PRRC2B: variants seen among roughly 807,000 people sequenced by gnomAD.
The protein encoded by PRRC2B is proline rich coiled-coil 2B.
A neutral mutation model predicts 242.3 loss-of-function variants in PRRC2B; 68 were observed. The ratio of observed to expected loss-of-function variants is 0.28; its 90% confidence interval spans 0.23 to 0.34. The LOEUF (loss-of-function observed/expected upper bound fraction) is 0.34, where lower values mean the gene tolerates loss of function less well. Ranked by LOEUF, PRRC2B falls within the 10% of genes least tolerant of loss-of-function variation. PRRC2B has a pLI of 1.00. For missense variants in PRRC2B, 2,835 were observed against 2,954.8 expected (o/e 0.96, Z 0.94); for synonymous variants, 1,228 against 1,173.6 (o/e 1.05, Z -0.95).
At chr9:131,414,776 G>C (rs1416325605) in intron 1 of PRRC2B, among the ~76,000 whole-genome samples, 1 of 151,862 alleles carries the variant, frequency 6.6e-6, no homozygotes, top group African/African-American at 2.4e-5. Flanking sequence ...CACCATATTG[G>C]CCAGGCTGGT....
chr9:131,394,394 C>T (rs1285930672), intron 1 of PRRC2B, 131 bp downstream of exon 1: 1 of 146,168 alleles, frequency 6.8e-6, no homozygotes, highest in Admixed American at 6.8e-5. Flanking sequence ...CCTGCCCGAC[C>T]TTTGTCCGCG....
chr9:131,412,171 C>G (rs991240552), intron 1 of PRRC2B, among the ~76,000 whole-genome samples: 3 of 152,162 alleles, frequency 2.0e-5, no homozygotes, highest in African/African-American at 7.2e-5. Flanking sequence ...CGTTGACCGT[C>G]TCTATCTTGA....
rs541963498 is a variant in PRRC2B, at chr9:131,472,668, G to A, written c.2108-840G>A. Among the ~76,000 whole-genome samples, 567 of 151,894 alleles carry A rather than the reference G, an allele frequency of 3.7e-3. 2 individuals are homozygous for A. The highest frequency in any genetic ancestry group is 0.013 in the African/African-American group (551 of 41,394). The stretch of plus-strand genomic sequence containing the variant: ...ATTTTTTTGTATTTTTAGTAGAGAC[G>A]GGGTTTCACTATGTTGGTCAGGCTG... On this transcript the variant is annotated intron_variant, in intron 14 of 31. Coordinates refer to ENST00000683519, the MANE Select transcript of PRRC2B (RefSeq NM_013318.4).
chr9:131,404,371 C>A (rs1428336217), intron 1 of PRRC2B, among the ~76,000 whole-genome samples: 1 of 152,000 alleles, frequency 6.6e-6, no homozygotes, highest in Non-Finnish European at 1.5e-5. Flanking sequence ...AGGCATCCGC[C>A]ACCATGCCTA....
In PRRC2B at chr9:131,493,466, C is replaced by T. The variant is rs114806824; in HGVS notation, c.6474-939C>T. 9.5e-3 allele frequency among the ~76,000 whole-genome samples: 1,444 copies of T among 152,320 alleles called. 29 individuals carry two copies. Among genetic ancestry groups the T allele is most frequent in the African/African-American group, 0.033 (1,366 of 41,556 alleles). Reference sequence around the variant, plus strand: ...GCTGCCACAGGCAGATTCCAGCAGCCTCTGGCTACAGAGCCTTCCTCAAAA... The same window carrying T: ...GCTGCCACAGGCAGATTCCAGCAGCTTCTGGCTACAGAGCCTTCCTCAAAA... On this transcript the variant is annotated intron_variant, in intron 30 of 31. Coordinates refer to ENST00000683519, the MANE Select transcript of PRRC2B (RefSeq NM_013318.4).
chr9:131,495,098 G>GT (rs1279116142), intron 31 of PRRC2B, among the ~76,000 whole-genome samples: 3 of 152,168 alleles, frequency 2.0e-5, no homozygotes, highest in Non-Finnish European at 4.4e-5. Context: ...TGAAAGTTGT[G>GT]TGGAATGAGC....
At chr9:131,391,433 C>T (rs1836899051), upstream of PRRC2B, among the ~76,000 whole-genome samples, 1 of 152,094 alleles carries the variant, frequency 6.6e-6, no homozygotes, top group Non-Finnish European at 1.5e-5. Flanking sequence ...ATTCCACCTG[C>T]CCAACCAAAT....
At position 131,498,236 on chromosome 9, in the gene PRRC2B, A is replaced by T. The variant is rs1335392734; in HGVS notation, c.*2362A>T. The T allele has an allele frequency of 1.3e-5, 2 of 152,136 alleles. No individual in the cohort carries two copies. The highest frequency in any genetic ancestry group is 2.1e-4 in the South Asian group (1 of 4,810). 9.4% of individuals were successfully genotyped at this position (152,136 alleles called of 1,614,324 possible). ...CAAATAAAAAAACAAAAAACACTAG[A>T]ATTTATTTATATGTATTGATGTTGT... On this transcript the variant is annotated 3_prime_UTR_variant, in exon 32 of 32. Transcript: ENST00000683519.
At chr9:131,434,480 C>T (rs1564282899) in intron 3 of PRRC2B, among the ~76,000 whole-genome samples, 1 of 152,164 alleles carries the variant, frequency 6.6e-6, no homozygotes, top group Non-Finnish European at 1.5e-5. Context: ...CACATCCTCC[C>T]ACCAAGGTAT....
chr9:131,465,090 G>T lies in PRRC2B; in HGVS notation c.1720+12G>T, dbSNP rs1481129561. On this transcript the variant is annotated intron_variant, in intron 12 of 31. Coordinates refer to ENST00000683519, the MANE Select transcript of PRRC2B (RefSeq NM_013318.4). ...TGCTGTCCACAAAGGTAAGAGCTGG[G>T]CCGTCTTCCCACCAACTGGAAACCC... 6.3e-6 allele frequency: 10 copies of T among 1,593,510 alleles called. No homozygotes were observed. The highest frequency in any genetic ancestry group is 8.6e-6 in the Non-Finnish European group (10 of 1,167,962).
intron 1 of PRRC2B, among the ~76,000 whole-genome samples, chr9:131,419,547 T>A (rs1304289124): frequency 6.6e-6 from 1 of 152,030 alleles, no homozygotes; most frequent in Non-Finnish European, 1.5e-5. Flanking sequence ...AGCTGATAAT[T>A]GGGTGGGCTG....
At chr9:131,434,343 A>G (rs746184027) in intron 3 of PRRC2B, among the ~76,000 whole-genome samples, 10 of 152,256 alleles carry the variant, frequency 6.6e-5, no homozygotes, top group Non-Finnish European at 1.5e-4. Context: ...CCTGTTATCC[A>G]GCCTTTACTC....
intron 12 of PRRC2B, among the ~76,000 whole-genome samples, chr9:131,466,639 G>C (rs555308621): frequency 1.3e-4 from 19 of 150,806 alleles, no homozygotes; most frequent in Non-Finnish European, 2.5e-4. Flanking sequence ...TTTTTTGCTG[G>C]GGGGAGATGG....
Position 131,495,886 on chromosome 9 carries a change from T to TGCCA in PRRC2B, c.*13_*16dup. ...AGAGTAAGGCCTGACAGTGCCTGGC[T>TGCCA]GCCACCTCGCCTCTCCCTACTGAGG... On this transcript the variant is annotated 3_prime_UTR_variant, in exon 32 of 32. Transcript: ENST00000683519. 6.3e-7 allele frequency: 1 copy of TGCCA among 1,598,398 alleles called. No homozygotes were observed. The highest frequency in any genetic ancestry group is 8.6e-7 in the Non-Finnish European group (1 of 1,168,004).
In PRRC2B at chr9:131,422,862, T is replaced by G. The variant is rs555368471; in HGVS notation, c.-51-7232T>G. Among the ~76,000 whole-genome samples, 8 of 152,374 alleles carry G rather than the reference T, an allele frequency of 5.3e-5. No homozygotes were observed. The East Asian group carries it at 1.5e-3, about 29-fold the overall frequency. ...TCTTTTTCAATGTTCTTTTCTCCATTGATTTGTTCCCAAATCTATCTTCAT... is the reference window on the plus strand; with the variant it reads ...TCTTTTTCAATGTTCTTTTCTCCATGGATTTGTTCCCAAATCTATCTTCAT... On this transcript the variant is annotated intron_variant, in intron 1 of 31. Transcript: ENST00000683519.
chr9:131,439,451 T>G (rs1376565198), intron 5 of PRRC2B, among the ~76,000 whole-genome samples: 1 of 152,142 alleles, frequency 6.6e-6, no homozygotes, highest in East Asian at 1.9e-4. Context: ...CAATTCACTT[T>G]CTCCTGTAAA....
chr9:131,376,368 A>AAG (rs59321936), intron 1 of PRRC2B, among the ~76,000 whole-genome samples: 1 of 151,448 alleles, frequency 6.6e-6, no homozygotes, highest in Non-Finnish European at 1.5e-5. Context: ...AAAAAAAAAA[A>AAG]GGATGAAATG....
Position 131,476,022 on chromosome 9 carries a change from C to T in PRRC2B, c.3893C>T (p.Pro1298Leu), listed in dbSNP as rs1281013711. ...VADSENAENR[P>L]FRRRRPPRQD... The stretch of plus-strand genomic sequence containing the variant: ...GATTCTGAAAATGCAGAGAACCGGC[C>T]CTTCAGGAGAAGGCGCCCCCCACGC... Residue 1298 changes from proline to leucine, a missense_variant, in exon 16 of 32, where the codon CCC (proline) becomes CTC (leucine). Pro to Leu is a moderately conservative substitution (Grantham distance 98). Coordinates refer to ENST00000683519, the MANE Select transcript of PRRC2B (RefSeq NM_013318.4). 2 of 1,605,626 alleles carry T rather than the reference C, an allele frequency of 1.2e-6. No homozygotes were observed. Among genetic ancestry groups the T allele is most frequent in the African/African-American group, 1.3e-5 (1 of 74,656 alleles).
intron 30 of PRRC2B, among the ~76,000 whole-genome samples, chr9:131,493,432 T>A (rs984457082): frequency 1.3e-5 from 2 of 152,226 alleles, no homozygotes; most frequent in African/African-American, 4.8e-5. Flanking sequence ...CAGCAGACGC[T>A]GTCCCGCTGC....
Sources: allele counts gnomAD v4.1 joint callset (sites outside exome capture counted in the v4.1 genomes callset), GRCh38; gene constraint gnomAD v4.1.1; transcripts MANE v1.5; gene names NCBI Gene and HGNC (gene_info 2026-07-23, HGNC 2026-07-21).